ARHGAP32: variants seen among roughly 807,000 people sequenced by gnomAD.
The protein encoded by ARHGAP32 is rho GTPase-activating protein 32.
A neutral mutation model predicts 186.5 loss-of-function variants in ARHGAP32; 51 were observed. That is an observed-to-expected ratio of 0.27 (90% CI 0.22 to 0.35). The LOEUF is 0.35. Ranked by LOEUF, ARHGAP32 falls within the 10% of genes least tolerant of loss-of-function variation. The pLI is 1.00. For missense variants in ARHGAP32, 2,186 were observed against 2,623.5 expected, an observed-to-expected ratio of 0.83 and a Z score of 3.64; for synonymous variants, 950 against 964.3, an observed-to-expected ratio of 0.99 and a Z score of 0.27.
intron 1 of ARHGAP32, among the ~76,000 whole-genome samples, chr11:129,258,841 T>G (rs1945287719): frequency 8.7e-6 from 1 of 115,340 alleles, no homozygotes; most frequent in African/African-American, 3.5e-5. Flanking sequence ...ACTGGAAAGT[T>G]AATAGTCAAC....
intron 1 of ARHGAP32, among the ~76,000 whole-genome samples, chr11:129,239,431 TA>T (rs1447387414): frequency 1.3e-5 from 2 of 152,142 alleles, no homozygotes; most frequent in African/African-American, 2.4e-5. Flanking sequence ...TGACCAAAAT[TA>T]CCCAGAATGA....
chr11:129,167,995 A>G (rs548657791), intron 1 of ARHGAP32, among the ~76,000 whole-genome samples: 1 of 152,330 alleles, frequency 6.6e-6, no homozygotes, highest in Non-Finnish European at 1.5e-5. Context: ...CTATAATCCT[A>G]GCACTTCAAG....
At chr11:129,179,510 C>A (rs1469350358) in intron 1 of ARHGAP32, among the ~76,000 whole-genome samples, 2 of 151,504 alleles carry the variant, frequency 1.3e-5, no homozygotes, top group Non-Finnish European at 2.9e-5. Flanking sequence ...TTTATTGCGG[C>A]ATTATTCATG....
intron 1 of ARHGAP32, among the ~76,000 whole-genome samples, chr11:129,211,048 T>A (rs1049631106): frequency 2.6e-5 from 4 of 152,152 alleles, no homozygotes; most frequent in African/African-American, 9.7e-5. Context: ...GTGTACTTTG[T>A]CCTAATCTTC....
At chr11:129,265,839 T>C (rs1591385865) in intron 1 of ARHGAP32, among the ~76,000 whole-genome samples, 1 of 152,176 alleles carries the variant, frequency 6.6e-6, no homozygotes, top group Non-Finnish European at 1.5e-5. Flanking sequence ...GAGGTGACCA[T>C]TTCACACATT....
At chr11:129,272,986 T>A (rs1006181343) in intron 1 of ARHGAP32, among the ~76,000 whole-genome samples, 1 of 152,196 alleles carries the variant, frequency 6.6e-6, no homozygotes, top group African/African-American at 2.4e-5. Flanking sequence ...TACCAACAGG[T>A]TGATTCAGAG....
At chr11:129,178,097 C>A (rs1288721256) in intron 1 of ARHGAP32, among the ~76,000 whole-genome samples, 1 of 150,584 alleles carries the variant, frequency 6.6e-6, no homozygotes, top group East Asian at 1.9e-4. Flanking sequence ...AGCAAAGTCT[C>A]AGGATACAAA....
chr11:129,194,652 AAAAG>A (rs1944367759), upstream of ARHGAP32, among the ~76,000 whole-genome samples: 2 of 152,050 alleles, frequency 1.3e-5, no homozygotes, highest in South Asian at 2.1e-4. Context: ...GAAGAGGAAT[AAAAG>A]AAAGACACGC....
chr11:129,194,610 G>C (rs1944366480), upstream of ARHGAP32, among the ~76,000 whole-genome samples: 2 of 152,042 alleles, frequency 1.3e-5, no homozygotes, highest in South Asian at 4.1e-4. Flanking sequence ...AGTACCAGTA[G>C]TTGTCTCCAC....
intron 1 of ARHGAP32, among the ~76,000 whole-genome samples, chr11:129,171,757 A>G (rs546405867): frequency 9.2e-5 from 14 of 152,302 alleles, no homozygotes; most frequent in Non-Finnish European, 1.8e-4. Context: ...AAATTACTTC[A>G]GGCAGTATGG....
At chr11:129,085,253 C>T (rs1941351416) in intron 6 of ARHGAP32, among the ~76,000 whole-genome samples, 1 of 152,094 alleles carries the variant, frequency 6.6e-6, no homozygotes, top group South Asian at 2.1e-4. Flanking sequence ...CTCCTAGCCT[C>T]AGTCGCCAAG....
At chr11:129,037,833 T>C (rs761075815) in intron 11 of ARHGAP32, among the ~76,000 whole-genome samples, 45 of 151,948 alleles carry the variant, frequency 3.0e-4, no homozygotes, top group Non-Finnish European at 5.4e-4. Context: ...CTGGGCACGG[T>C]GGCTCATGCC....
intron 2 of ARHGAP32, among the ~76,000 whole-genome samples, chr11:129,132,616 C>A (rs1942837511): frequency 6.6e-6 from 1 of 152,160 alleles, no homozygotes; most frequent in Non-Finnish European, 1.5e-5. Flanking sequence ...CACAAATCAA[C>A]ACTCTCCAGA....
intron 1 of ARHGAP32, among the ~76,000 whole-genome samples, chr11:129,179,649 A>C (rs1344244190): frequency 6.6e-6 from 1 of 152,130 alleles, no homozygotes; most frequent in Non-Finnish European, 1.5e-5. Flanking sequence ...TTGTAGGGAC[A>C]TGGATGAAAT....
At position 128,976,579 on chromosome 11, in the gene ARHGAP32, A is replaced by C. The variant is rs747174845; in HGVS notation, c.2178T>G (p.Ser726=). The C allele has an allele frequency of 3.1e-6, 5 of 1,613,868 alleles. No homozygotes were observed. Among genetic ancestry groups the C allele is most frequent in the Non-Finnish European group, 4.2e-6 (5 of 1,179,804 alleles). Residue 726 remains serine, a synonymous_variant, in exon 20 of 23, where the codon TCT becomes TCG. Transcript: ENST00000682385. ...RSAKSEESLT[S]LHAVDGDSKL... ...TAGTCTTACCATCAACTGCATGGAG[A>C]GATGTAAGAGACTCCTCACTTTTAG...
intron 1 of ARHGAP32, among the ~76,000 whole-genome samples, chr11:129,263,550 T>A (rs1307116387): frequency 4.0e-4 from 1 of 2,484 alleles, no homozygotes; most frequent in African/African-American, 1.6e-3. Context: ...AAATGGCTAC[T>A]GGCAAAAAAA....
At chr11:129,243,824 C>A (rs1324924501) in intron 1 of ARHGAP32, among the ~76,000 whole-genome samples, 3 of 152,156 alleles carry the variant, frequency 2.0e-5, no homozygotes, top group Admixed American at 6.5e-5. Context: ...TCTTCTCCAC[C>A]CCCACAAGCC....
At chr11:129,230,129 C>T (rs1944838794) in intron 1 of ARHGAP32, among the ~76,000 whole-genome samples, 2 of 152,058 alleles carry the variant, frequency 1.3e-5, no homozygotes, top group Admixed American at 6.6e-5. Flanking sequence ...TATTTTTAAG[C>T]TGCTAAATGA....
intron 2 of ARHGAP32, among the ~76,000 whole-genome samples, chr11:129,161,423 T>C (rs1397297062): frequency 4.6e-5 from 7 of 151,844 alleles, no homozygotes; most frequent in Admixed American, 6.6e-5. Flanking sequence ...AAAGGGCTAA[T>C]ATCCAGAATC....
Sources: allele counts gnomAD v4.1 joint callset (sites outside exome capture counted in the v4.1 genomes callset), GRCh38; gene constraint gnomAD v4.1.1; transcripts MANE v1.5; gene names NCBI Gene and HGNC (gene_info 2026-07-23, HGNC 2026-07-21).